Variants in HDAC4 observed in about 807,000 individuals in gnomAD.
HDAC4 encodes histone deacetylase A.
Under a neutral mutation model 135.1 loss-of-function variants are expected in HDAC4, and 16 were observed. The observed-to-expected ratio is 0.12, with a 90% CI of 0.08 to 0.18. The LOEUF (loss-of-function observed/expected upper bound fraction) is 0.18, where lower values mean the gene tolerates loss of function less well. Among genes scored for constraint, HDAC4 ranks in the 10% least tolerant of loss-of-function variants. HDAC4 has a pLI of 1.00. For missense variants in HDAC4, 1,143 were observed against 1,511.8 expected (o/e 0.76, Z 4.05); for synonymous variants, 685 against 653.4 (o/e 1.05, Z -0.74).
At chr2:239,226,960 T>C (rs1304986723) in intron 3 of HDAC4, among the ~76,000 whole-genome samples, 1 of 152,208 alleles carries the variant, frequency 6.6e-6, no homozygotes, top group Admixed American at 6.5e-5. Context: ...GCTGAAACAG[T>C]GTGTGGATTG....
intron 16 of HDAC4, 195 bp downstream of exon 16, chr2:239,102,581 C>A: frequency 1.6e-6 from 1 of 618,274 alleles, no homozygotes; most frequent in South Asian, 1.9e-5. Context: ...TACACAAACA[C>A]ACCTGCTACC....
intron 1 of HDAC4, among the ~76,000 whole-genome samples, chr2:239,371,021 C>T (rs1482698171): frequency 6.6e-6 from 1 of 152,232 alleles, no homozygotes; most frequent in Non-Finnish European, 1.5e-5. Flanking sequence ...TTCCCACAGC[C>T]TGTCGCCCCC....
At chr2:239,079,626 C>T (rs955793868) in intron 22 of HDAC4, among the ~76,000 whole-genome samples, 2 of 152,222 alleles carry the variant, frequency 1.3e-5, no homozygotes, top group Non-Finnish European at 2.9e-5. Context: ...CCACACAAGA[C>T]GTTTACACAT....
intron 2 of HDAC4, among the ~76,000 whole-genome samples, chr2:239,294,639 T>C (rs1157572532): frequency 1.3e-5 from 2 of 152,004 alleles, no homozygotes; most frequent in Non-Finnish European, 2.9e-5. Context: ...GAATTCCTCA[T>C]GGCTGAGGCT....
chr2:239,076,008 C>T (rs1383109141), intron 22 of HDAC4, among the ~76,000 whole-genome samples: 1 of 150,668 alleles, frequency 6.6e-6, no homozygotes, highest in East Asian at 2.0e-4. Context: ...ATAGCAGTAG[C>T]AGGCGCGTGC....
chr2:239,366,581 G>C (rs1694230664), intron 1 of HDAC4, among the ~76,000 whole-genome samples: 1 of 152,208 alleles, frequency 6.6e-6, no homozygotes, highest in Non-Finnish European at 1.5e-5. Flanking sequence ...AGTCCAAATG[G>C]AGAAGGCATC....
At chr2:239,375,384 A>T (rs1302425620) in intron 1 of HDAC4, among the ~76,000 whole-genome samples, 2 of 124,974 alleles carry the variant, frequency 1.6e-5, no homozygotes, top group Non-Finnish European at 3.2e-5. Context: ...CCGTCCACTC[A>T]CTTGTCCTCA....
chr2:239,254,641 A>AG, intron 2 of HDAC4, among the ~76,000 whole-genome samples: 1 of 152,358 alleles, frequency 6.6e-6, no homozygotes, highest in Non-Finnish European at 1.5e-5. Flanking sequence ...GATAAAGGAG[A>AG]GAAGCAAGGA....
rs1244536837 is a variant in HDAC4 at position 239,081,179 on chromosome 2, G to A, written c.2666C>T (p.Pro889Leu). 6.2e-7 allele frequency: 1 copy of A among 1,613,400 alleles called. No individual in the cohort carries two copies. Among genetic ancestry groups the A allele is most frequent in the South Asian group, 1.1e-5 (1 of 90,904 alleles). ...SGAPDEVGTG[P>L]GVGFNVNMAF... is the part of the protein sequence containing the mutation. ...CATGTTGACGTTGAAACCCACGCCG[G>A]GCCCTGTGCCCACCTGTGGCCAGAA... Residue 889 changes from proline (P) to leucine (L), a missense_variant, in exon 22 of 27, where the codon CCC becomes CTC. Coordinates refer to ENST00000543185, the MANE Select transcript of HDAC4 (RefSeq NM_001378414.1).
At chr2:239,087,902 G>C (rs1263278482) in intron 18 of HDAC4, among the ~76,000 whole-genome samples, 1 of 152,160 alleles carries the variant, frequency 6.6e-6, no homozygotes, top group Non-Finnish European at 1.5e-5. Flanking sequence ...CTGTCGGTGA[G>C]GCGTGGTGCC....
intron 2 of HDAC4, among the ~76,000 whole-genome samples, chr2:239,346,673 AACAC>A (rs200812598): frequency 1.3e-5 from 2 of 149,626 alleles, no homozygotes; most frequent in Non-Finnish European, 3.0e-5. Context: ...TACAGTCTAA[AACAC>A]ACACACTGTC....
In HDAC4 at chr2:239,102,183, G is replaced by C. The variant is rs546052948; in HGVS notation, c.2233+593C>G. Reference sequence around the variant, plus strand: ...GCCCCCGGCCCCACGTCTGGGTTCTGTGGCCTGGGAACACTGGAAGCCCCA... The same window carrying C: ...GCCCCCGGCCCCACGTCTGGGTTCTCTGGCCTGGGAACACTGGAAGCCCCA... On this transcript the variant is annotated intron_variant, in intron 16 of 26. Transcript: ENST00000543185. 1.8e-3 allele frequency among the ~76,000 whole-genome samples: 267 copies of C among 152,286 alleles called. 1 individual carries two copies. The highest frequency in any genetic ancestry group is 5.9e-3 in the African/African-American group (246 of 41,550).
chr2:239,157,848 C>CA (rs1307887966), intron 6 of HDAC4, among the ~76,000 whole-genome samples: 1 of 152,142 alleles, frequency 6.6e-6, no homozygotes, highest in Non-Finnish European at 1.5e-5. Context: ...GAAGGGAACT[C>CA]ATAGACAAAA....
chr2:239,134,213 G>A (rs745634101), intron 11 of HDAC4, 32 bp downstream of exon 11: 6 of 1,586,024 alleles, frequency 3.8e-6, no homozygotes, highest in Non-Finnish European at 5.2e-6. Context: ...CAGCCTCAGA[G>A]CCTGGCTGCA....
intron 2 of HDAC4, among the ~76,000 whole-genome samples, chr2:239,294,912 G>A (rs1345007602): frequency 6.6e-6 from 1 of 152,208 alleles, no homozygotes; most frequent in African/African-American, 2.4e-5. Flanking sequence ...GTGGGTGTGT[G>A]GGAGGCCCGG....
chr2:239,107,022 T>C (rs547134201), intron 15 of HDAC4, among the ~76,000 whole-genome samples: 3 of 152,258 alleles, frequency 2.0e-5, no homozygotes, highest in South Asian at 4.1e-4. Flanking sequence ...CCCTGCACAG[T>C]GTTGCCAGCC....
chr2:239,080,223 A>G (rs560787730), intron 22 of HDAC4, among the ~76,000 whole-genome samples: 1 of 152,360 alleles, frequency 6.6e-6, no homozygotes, highest in South Asian at 2.1e-4. Flanking sequence ...ACGTCTGCAC[A>G]CGTGCGTTTT....
chr2:239,119,212 C>T (rs968630094), intron 12 of HDAC4, among the ~76,000 whole-genome samples: 10 of 152,156 alleles, frequency 6.6e-5, no homozygotes, highest in African/African-American at 1.9e-4. Flanking sequence ...CCTTATCACT[C>T]GGTGCACCGG....
chr2:239,095,197 C>A, intron 16 of HDAC4, 141 bp from the exon 17 acceptor site: 1 of 846,056 alleles, frequency 1.2e-6, no homozygotes, highest in South Asian at 1.5e-5. Flanking sequence ...CCTTGTGACA[C>A]CCTGTGGCCC....
Sources: allele counts gnomAD v4.1 joint callset (sites outside exome capture counted in the v4.1 genomes callset), GRCh38; gene constraint gnomAD v4.1.1; transcripts MANE v1.5; gene names NCBI Gene and HGNC (gene_info 2026-07-23, HGNC 2026-07-21).